The following NRXN3 variants were observed in gnomAD, a reference collection of about 807,000 sequenced individuals.
NRXN3 encodes neurexin 3, also known as neurexin III.
In NRXN3, 32 loss-of-function variants were observed where a neutral mutation model predicts 137.6. The observed-to-expected ratio is 0.23, with a 90% CI of 0.18 to 0.31. The LOEUF (loss-of-function observed/expected upper bound fraction) is 0.31. Ranked by LOEUF, NRXN3 falls within the 10% of genes least tolerant of loss-of-function variation. The pLI is 1.00. For synonymous variants in NRXN3, 798 were observed against 784.5 expected (o/e 1.02, Z -0.29); for missense variants, 1,574 against 2,062.5 (o/e 0.76, Z 4.59).
intron 19 of NRXN3, among the ~76,000 whole-genome samples, chr14:79,736,303 C>T (rs1171155418): frequency 1.3e-5 from 2 of 152,134 alleles, no homozygotes; most frequent in Admixed American, 6.6e-5. Flanking sequence ...CCAGACCAAC[C>T]TAGATGAGTT....
chr14:78,305,991 C>T (rs2153537053), intron 4 of NRXN3, among the ~76,000 whole-genome samples: 1 of 152,150 alleles, frequency 6.6e-6, no homozygotes, highest in East Asian at 1.9e-4. Context: ...TGAGACGGTG[C>T]TTGAAAAATA....
intron 4 of NRXN3, among the ~76,000 whole-genome samples, chr14:78,573,049 C>T (rs897984817): frequency 8.5e-5 from 13 of 152,264 alleles, no homozygotes; most frequent in East Asian, 1.9e-4. Flanking sequence ...TCACAAGATC[C>T]GATGGTATAA....
chr14:79,441,582 G>A (rs909838286), intron 15 of NRXN3, among the ~76,000 whole-genome samples: 11 of 151,352 alleles, frequency 7.3e-5, no homozygotes, highest in African/African-American at 1.5e-4. Flanking sequence ...GGGTTTCACC[G>A]TGTTAGCCAG....
chr14:79,285,635 C>T (rs974830806), intron 15 of NRXN3, among the ~76,000 whole-genome samples: 9 of 152,120 alleles, frequency 5.9e-5, no homozygotes, highest in African/African-American at 2.2e-4. Flanking sequence ...ATGCATGCAT[C>T]CCTGGTGTCT....
chr14:79,700,896 A>G (rs1227646235), intron 19 of NRXN3, among the ~76,000 whole-genome samples: 1 of 152,098 alleles, frequency 6.6e-6, no homozygotes, highest in East Asian at 1.9e-4. Context: ...GGATAGCTCT[A>G]GGTACTCTAT....
chr14:79,506,159 T>G (rs1017952235), intron 16 of NRXN3, among the ~76,000 whole-genome samples: 3 of 152,220 alleles, frequency 2.0e-5, no homozygotes, highest in Admixed American at 1.3e-4. Flanking sequence ...CCAACACCTT[T>G]GTAATATTGG....
intron 16 of NRXN3, among the ~76,000 whole-genome samples, chr14:79,511,556 G>T (rs533287283): frequency 1.2e-4 from 18 of 152,266 alleles, no homozygotes; most frequent in Middle Eastern, 3.4e-3. Flanking sequence ...GATTTTCTTT[G>T]TATTAGGTAA....
intron 15 of NRXN3, among the ~76,000 whole-genome samples, chr14:79,289,896 G>T (rs965077910): frequency 2.6e-5 from 4 of 152,138 alleles, no homozygotes; most frequent in Non-Finnish European, 5.9e-5. Flanking sequence ...CCCAGCCCCA[G>T]TCCTGACCTC....
intron 4 of NRXN3, among the ~76,000 whole-genome samples, chr14:78,542,036 T>C (rs2096594662): frequency 6.6e-6 from 1 of 152,232 alleles, no homozygotes; most frequent in African/African-American, 2.4e-5. Flanking sequence ...TGATTCTTCC[T>C]CTGGAAGCTT....
At chr14:78,689,692 C>G (rs1386245553) in intron 6 of NRXN3, among the ~76,000 whole-genome samples, 1 of 152,090 alleles carries the variant, frequency 6.6e-6, no homozygotes, top group East Asian at 1.9e-4. Flanking sequence ...GACTCAATAT[C>G]TTAATATCAA....
At chr14:79,541,098 G>GT (rs1203791619) in intron 16 of NRXN3, among the ~76,000 whole-genome samples, 1 of 152,036 alleles carries the variant, frequency 6.6e-6, no homozygotes, top group Non-Finnish European at 1.5e-5. Context: ...TTTTCTGCCT[G>GT]TATCTTCTCT....
At chr14:79,433,807 C>A (rs544222388) in intron 15 of NRXN3, among the ~76,000 whole-genome samples, 4 of 152,128 alleles carry the variant, frequency 2.6e-5, no homozygotes, top group Admixed American at 1.3e-4. Flanking sequence ...AACTTTATTC[C>A]GTGCAACACA....
At chr14:78,646,765 T>C (rs1186324576) in intron 5 of NRXN3, among the ~76,000 whole-genome samples, 1 of 152,228 alleles carries the variant, frequency 6.6e-6, no homozygotes, top group Non-Finnish European at 1.5e-5. Flanking sequence ...ATCATTGTTC[T>C]ATGTTTTTCC....
chr14:79,159,994 T>C (rs111364620), intron 15 of NRXN3, among the ~76,000 whole-genome samples: 165 of 152,000 alleles, frequency 1.1e-3, no homozygotes, highest in African/African-American at 3.7e-3. Context: ...GCATTACTCA[T>C]TGGAATGAAA....
chr14:78,675,905 C>G (rs1014269996), intron 6 of NRXN3, among the ~76,000 whole-genome samples: 2 of 151,900 alleles, frequency 1.3e-5, no homozygotes, highest in Non-Finnish European at 2.9e-5. Context: ...ATTCTTGAAA[C>G]TTATTATTAT....
chr14:79,853,577 C>T (rs1393613289), intron 20 of NRXN3: 1 of 1,351,734 alleles, frequency 7.4e-7, no homozygotes, highest in Admixed American at 1.9e-5. Context: ...CCGTGCCGCC[C>T]TTACATGGAC....
intron 4 of NRXN3, among the ~76,000 whole-genome samples, chr14:78,436,748 A>G (rs1012581337): frequency 2.4e-4 from 36 of 152,340 alleles, no homozygotes; most frequent in Non-Finnish European, 1.5e-5. Context: ...CTGCTTATCT[A>G]TAACCCCCTG....
At chr14:79,740,711 TTTATATATA>T (rs1183629057) in intron 19 of NRXN3, among the ~76,000 whole-genome samples, 16 of 14,916 alleles carry the variant, frequency 1.1e-3, no homozygotes, top group South Asian at 2.2e-3. Context: ...CATTTAGTTT[TTTATATATA>T]TATATATATA....
intron 4 of NRXN3, among the ~76,000 whole-genome samples, chr14:78,384,254 G>C (rs965487277): frequency 2.0e-5 from 3 of 151,994 alleles, no homozygotes; most frequent in East Asian, 3.9e-4. Flanking sequence ...GTATCCAATT[G>C]GTTGAGCCTG....
Sources: allele counts gnomAD v4.1 joint callset (sites outside exome capture counted in the v4.1 genomes callset), GRCh38; gene constraint gnomAD v4.1.1; transcripts MANE v1.5; gene names NCBI Gene and HGNC (gene_info 2026-07-23, HGNC 2026-07-21).